Variants in ALK observed in about 807,000 individuals in gnomAD.
The protein encoded by ALK is ALK tyrosine kinase receptor.
ALK carries 74 observed loss-of-function variants against 163.1 expected under a neutral mutation model. That is an observed-to-expected ratio of 0.45 (90% confidence interval 0.38 to 0.55). ALK has a LOEUF of 0.55. ALK is among the 20% of genes least tolerant of loss of function. The pLI is 0.00. For missense variants in ALK, 2,063 were observed against 2,105.3 expected (o/e 0.98, Z 0.39); for synonymous variants, 960 against 843.2 (o/e 1.14, Z -2.40).
chr2:29,847,452 T>C (rs1440933324), intron 1 of ALK, among the ~76,000 whole-genome samples: 1 of 152,150 alleles, frequency 6.6e-6, no homozygotes, highest in Non-Finnish European at 1.5e-5. Flanking sequence ...AGGTACATAC[T>C]TAATGTTATA....
At chr2:29,350,390 G>A (rs1234316495) in intron 5 of ALK, among the ~76,000 whole-genome samples, 1 of 152,238 alleles carries the variant, frequency 6.6e-6, no homozygotes, top group Non-Finnish European at 1.5e-5. Flanking sequence ...TGGCCCCTTG[G>A]TGATCCCTAT....
chr2:29,226,923 A>C lies in ALK; in HGVS notation c.3066T>G (p.Ile1022Met). The change falls in exon 18 of 29, where the codon ATT becomes ATG. Residue 1022 changes from isoleucine to methionine, a missense_variant and splice_region_variant. Physicochemically the swap from Ile to Met is conservative, Grantham distance 10. This residue lies in a region of ALK where 575 missense variants were observed against 626.6 expected (regional missense o/e 0.92). Coordinates refer to ENST00000389048, the MANE Select transcript of ALK (RefSeq NM_004304.5). ...CCTCCCCTGGCCCTGCCCCCTTACCAATGCAGGAGACGCCATCCTCAGCCA... is the reference window on the plus strand; with the variant it reads ...CCTCCCCTGGCCCTGCCCCCTTACCCATGCAGGAGACGCCATCCTCAGCCA... ...TVLAEDGVSC[I>M]VSPTPEPHLP... The C allele has an allele frequency of 1.2e-6, 2 of 1,614,110 alleles. No homozygotes were observed. The highest frequency in any genetic ancestry group is 1.7e-6 in the Non-Finnish European group (2 of 1,180,026).
intron 3 of ALK, among the ~76,000 whole-genome samples, chr2:29,616,926 G>A (rs1410356274): frequency 6.6e-6 from 1 of 152,154 alleles, no homozygotes; most frequent in Non-Finnish European, 1.5e-5. Flanking sequence ...TTACCTATGT[G>A]TTGGTCCATT....
intron 11 of ALK, among the ~76,000 whole-genome samples, chr2:29,251,751 C>T (rs987653937): frequency 6.6e-6 from 1 of 152,182 alleles, no homozygotes; most frequent in African/African-American, 2.4e-5. Flanking sequence ...AACTAACCTG[C>T]TCCCAAAGGC....
intron 1 of ALK, among the ~76,000 whole-genome samples, chr2:29,824,279 A>G (rs979224720): frequency 1.3e-5 from 2 of 152,246 alleles, no homozygotes; most frequent in African/African-American, 4.8e-5. Flanking sequence ...CCTCATGGAG[A>G]ACCTCTGCTA....
chr2:29,487,501 A>G (rs1671804570), intron 4 of ALK, among the ~76,000 whole-genome samples: 1 of 152,232 alleles, frequency 6.6e-6, no homozygotes, highest in South Asian at 2.1e-4. Flanking sequence ...TTAATCTGTC[A>G]AAATGTGAAA....
Position 29,920,309 on chromosome 2 carries a change from C to T in ALK, c.351G>A (p.Pro117=), listed in dbSNP as rs1049747209. 7.1e-6 allele frequency: 11 copies of T among 1,559,562 alleles called. No homozygotes were observed. In the South Asian group the frequency reaches 1.1e-4, roughly 15 times the overall value. ...GVSWTAGSPA[P]AEARTLSRVL... The stretch of plus-strand genomic sequence containing the variant: ...CCCTGGACAGCGTCCGGGCCTCTGC[C>T]GGGGCTGGTGAACCGGCGGTCCAGG... The change falls in exon 1 of 29, where the codon CCG becomes CCA. Residue 117 remains proline (P), a synonymous_variant. Transcript: ENST00000389048.
rs17007923 is a variant in ALK, at chr2:29,349,285, C to A, written c.1283-20804G>T. Among the ~76,000 whole-genome samples the A allele has an allele frequency of 3.5e-3, 537 of 152,274 alleles. 1 individual carries two copies. Among genetic ancestry groups the A allele is most frequent in the African/African-American group, 0.012 (513 of 41,554 alleles). ...TTGCAGCCTGCCACTTTGTTCTTGACCCTGCTCTGACTGGTGTTCTTGACA... is the reference window on the plus strand; with the variant it reads ...TTGCAGCCTGCCACTTTGTTCTTGAACCTGCTCTGACTGGTGTTCTTGACA... On this transcript the variant is annotated intron_variant, in intron 5 of 28. Coordinates refer to ENST00000389048, the MANE Select transcript of ALK (RefSeq NM_004304.5).
chr2:29,615,783 GTTT>G (rs1675826891), intron 3 of ALK, among the ~76,000 whole-genome samples: 1 of 152,224 alleles, frequency 6.6e-6, no homozygotes, highest in African/African-American at 2.4e-5. Context: ...ATTCTCTGCA[GTTT>G]TAATGTGCCC....
At chr2:29,853,658 C>T (rs931082670) in intron 1 of ALK, among the ~76,000 whole-genome samples, 2 of 152,212 alleles carry the variant, frequency 1.3e-5, no homozygotes, top group African/African-American at 4.8e-5. Context: ...TCTGCCAACT[C>T]AAACCTCATC....
chr2:29,402,240 C>A (rs1669465830), intron 4 of ALK, among the ~76,000 whole-genome samples: 1 of 152,366 alleles, frequency 6.6e-6, no homozygotes, highest in African/African-American at 2.4e-5. Context: ...GGGCCAGGGG[C>A]TGGCTAAGGG....
At chr2:29,336,472 A>G (rs1192851026) in intron 5 of ALK, among the ~76,000 whole-genome samples, 1 of 152,160 alleles carries the variant, frequency 6.6e-6, no homozygotes, top group East Asian at 1.9e-4. Flanking sequence ...AGCAGGCCAC[A>G]TTTGTTTGCC....
At chr2:29,666,835 A>AC (rs1323405635) in intron 3 of ALK, among the ~76,000 whole-genome samples, 1 of 151,760 alleles carries the variant, frequency 6.6e-6, no homozygotes, top group Non-Finnish European at 1.5e-5. Flanking sequence ...CTTCCCCTTC[A>AC]CCCCCCTTCT....
Position 29,488,530 on chromosome 2 carries a change from T to A in ALK, c.1154+43385A>T, listed in dbSNP as rs1200975835. Among the ~76,000 whole-genome samples, 7 of 152,326 alleles carry A rather than the reference T, an allele frequency of 4.6e-5. No homozygotes were observed. In the East Asian group the frequency reaches 1.3e-3, roughly 29 times the overall value. ...TAGGATTGACTTGGACCAGATAATA[T>A]TGGTAAGAATCCAGATAGCTTTCAT... On this transcript the variant is annotated intron_variant, in intron 4 of 28. Coordinates refer to ENST00000389048, the MANE Select transcript of ALK (RefSeq NM_004304.5).
At chr2:29,547,047 C>A (rs1266775926) in intron 3 of ALK, among the ~76,000 whole-genome samples, 2 of 152,232 alleles carry the variant, frequency 1.3e-5, no homozygotes, top group Non-Finnish European at 2.9e-5. Flanking sequence ...TCACCCATTC[C>A]TCTTCATTTT....
intron 1 of ALK, among the ~76,000 whole-genome samples, chr2:29,867,481 T>C (rs1666464593): frequency 1.3e-5 from 2 of 152,210 alleles, no homozygotes; most frequent in Non-Finnish European, 2.9e-5. Flanking sequence ...GCCATTTTAT[T>C]GCTGTGTTCA....
intron 4 of ALK, among the ~76,000 whole-genome samples, chr2:29,509,828 A>AT (rs1164923783): frequency 6.6e-6 from 1 of 152,228 alleles, no homozygotes; most frequent in East Asian, 1.9e-4. Context: ...GGGGAGAAGC[A>AT]TTTAAAAAGA....
chr2:29,663,811 G>A (rs142338713), intron 3 of ALK, among the ~76,000 whole-genome samples: 78 of 152,248 alleles, frequency 5.1e-4, no homozygotes, highest in African/African-American at 1.8e-3. Context: ...GGTCTAGTCT[G>A]TAACCTATTA....
chr2:29,221,213 GC>G, intron 22 of ALK: 2 of 538,716 alleles, frequency 3.7e-6, no homozygotes, highest in Non-Finnish European at 3.7e-6. Context: ...AGAAGGTGAA[GC>G]AAAACAACTG....
Sources: gnomAD v4.1 joint callset for allele counts (sites outside exome capture counted in the v4.1 genomes callset) on GRCh38, gnomAD v4.1.1 for gene constraint, gnomAD v4.1.1 regional missense constraint, MANE v1.5 for transcripts, NCBI Gene and HGNC (gene_info 2026-07-23, HGNC 2026-07-21) for gene names.